Variants in FAM72C observed in about 807,000 individuals in gnomAD.
FAM72C encodes RUMY family member 3.
FAM72C carries 1 observed loss-of-function variant against 5.2 expected under a neutral mutation model. The ratio of observed to expected loss-of-function variants is 0.19; its 90% confidence interval spans 0.07 to 0.91. The LOEUF (loss-of-function observed/expected upper bound fraction) is 0.91, where lower values mean the gene tolerates loss of function less well. FAM72C is among the 40% of genes least tolerant of loss of function. The pLI, the probability that FAM72C is intolerant of heterozygous loss-of-function variation, is 0.66. For missense variants in FAM72C, 4 were observed against 66.0 expected, an observed-to-expected ratio of 0.06 and a Z score of 3.25; for synonymous variants, 1 against 21.8, an observed-to-expected ratio of 0.05 and a Z score of 2.66.
rs1661779867 is a variant in FAM72C at position 143,966,692 on chromosome 1, AAT to A, written c.231-1715_231-1714del. 2.8e-5 allele frequency among the ~76,000 whole-genome samples: 4 copies of A among 142,280 alleles called. 1 individual carries two copies. In the South Asian group the frequency reaches 9.3e-4, roughly 33 times the overall value. 93.3% of individuals were successfully genotyped at this position (142,280 alleles called of 152,430 possible). On this transcript the variant is annotated intron_variant, in intron 2 of 3. Coordinates refer to ENST00000584486, the MANE Select transcript of FAM72C (RefSeq NM_001287385.2). ...ATTTTGGATACATTGGGTTAGACAA[AAT>A]ATATGATTAAAATTAACTTTCCTGT...
intron 3 of FAM72C, among the ~76,000 whole-genome samples, chr1:143,959,469 A>G (rs1260392422): frequency 3.9e-5 from 5 of 129,656 alleles, no homozygotes; most frequent in African/African-American, 1.5e-4. Context: ...TGATAGATTG[A>G]GAGCCACAGT....
intron 3 of FAM72C, among the ~76,000 whole-genome samples, chr1:143,960,216 G>A (rs1661566594): frequency 1.3e-5 from 1 of 77,780 alleles, no homozygotes. Flanking sequence ...GACCAGCCTG[G>A]GCAACATGGC....
intron 3 of FAM72C, among the ~76,000 whole-genome samples, chr1:143,960,590 C>T (rs1472353436): frequency 2.1e-4 from 29 of 135,608 alleles, no homozygotes; most frequent in Admixed American, 1.7e-3. Context: ...ATTAGCTGGG[C>T]GTATGCCTGT....
At chr1:143,962,202 C>T (rs1192182997) in intron 3 of FAM72C, among the ~76,000 whole-genome samples, 4 of 142,422 alleles carry the variant, frequency 2.8e-5, no homozygotes, top group Admixed American at 7.1e-5. Context: ...TTAGTAGAGA[C>T]GGGGTTTCTC....
At position 143,955,636 on chromosome 1, in the gene FAM72C, A is replaced by T. The variant is rs1661453660; in HGVS notation, c.*751T>A. ...TAGTTTTTTTTTCTATTTAAGATTT[A>T]GGACAGACTACTCGTCTAAAATTCA... On this transcript the variant is annotated 3_prime_UTR_variant, in exon 4 of 4. Transcript: ENST00000584486. 7.1e-6 allele frequency: 1 copy of T among 141,022 alleles called. No individual in the cohort carries two copies. The highest frequency in any genetic ancestry group is 2.1e-4 in the East Asian group (1 of 4,730). 8.7% of individuals were successfully genotyped at this position (141,022 alleles called of 1,614,324 possible). A position where few individuals can be genotyped will look rare whatever the true frequency, so the allele number is the denominator to read the frequency against.
chr1:143,962,294 G>A lies in FAM72C; in HGVS notation c.355+2561C>T, dbSNP rs1282944439. Among the ~76,000 whole-genome samples the A allele has an allele frequency of 9.0e-5, 13 of 144,144 alleles. 1 individual carries two copies. The highest frequency in any genetic ancestry group is 1.4e-4 in the Non-Finnish European group (9 of 65,098). 94.6% of individuals were successfully genotyped at this position (144,144 alleles called of 152,430 possible). ...CTCCCAAACTGCTGGGATTACAGGC[G>A]TGAGCCACCGCGCCCGGCCTCTTAT... On this transcript the variant is annotated intron_variant, in intron 3 of 3. Coordinates refer to ENST00000584486, the MANE Select transcript of FAM72C (RefSeq NM_001287385.2).
rs1388430311 is a variant in FAM72C, at chr1:143,966,834, C to A, written c.231-1855G>T. ...CTTGAGGTCAGGAGTTCGAGACCAG[C>A]CTGGCCAACATGGCGAAACCCCACC... On this transcript the variant is annotated intron_variant, in intron 2 of 3. Transcript: ENST00000584486. Among the ~76,000 whole-genome samples the A allele has an allele frequency of 1.4e-5, 2 of 141,926 alleles. 1 individual carries two copies. The highest frequency in any genetic ancestry group is 3.1e-5 in the Non-Finnish European group (2 of 64,374). The allele number at this position is 141,926 out of a possible 152,430, so 93.1% of individuals were successfully genotyped here.
chr1:143,960,494 G>A (rs1376893642), intron 3 of FAM72C, among the ~76,000 whole-genome samples: 2 of 137,266 alleles, frequency 1.5e-5, no homozygotes, highest in African/African-American at 5.4e-5. Flanking sequence ...TTGGGAGGCT[G>A]AGGCAGGCGG....
intron 3 of FAM72C, among the ~76,000 whole-genome samples, chr1:143,960,403 CAAAA>C: frequency 2.8e-5 from 1 of 35,368 alleles, no homozygotes; most frequent in Non-Finnish European, 5.4e-5. Flanking sequence ...GACTCCATCT[CAAAA>C]AAAAAAAAAA....
intron 3 of FAM72C, among the ~76,000 whole-genome samples, chr1:143,959,116 C>T (rs1427917164): frequency 1.4e-5 from 2 of 138,188 alleles, no homozygotes; most frequent in African/African-American, 3.0e-5. Flanking sequence ...GCAGCACCTT[C>T]CTTTCTCTGT....
intron 3 of FAM72C, among the ~76,000 whole-genome samples, chr1:143,960,936 G>A: frequency 7.5e-6 from 1 of 133,220 alleles, no homozygotes; most frequent in East Asian, 2.3e-4. Flanking sequence ...TAGGTTCAAG[G>A]GGGGTTTCAT....
intron 3 of FAM72C, among the ~76,000 whole-genome samples, chr1:143,960,176 T>C (rs1570987672): frequency 1.2e-5 from 1 of 85,088 alleles, no homozygotes; most frequent in Non-Finnish European, 2.4e-5. Context: ...GAGGCTGAGG[T>C]GGGCGGATCA....
At chr1:143,961,122 A>C (rs1661616412) in intron 3 of FAM72C, among the ~76,000 whole-genome samples, 1 of 140,488 alleles carries the variant, frequency 7.1e-6, no homozygotes, top group Admixed American at 7.2e-5. Flanking sequence ...GGCTTTATAT[A>C]AATGGAAGGT....
At chr1:143,972,825 TG>T (rs1370241573), upstream of FAM72C, among the ~76,000 whole-genome samples, 3 of 88,198 alleles carry the variant, frequency 3.4e-5, no homozygotes, top group African/African-American at 1.2e-4. Flanking sequence ...GAGCCCTGAC[TG>T]AACAAACCCG....
intron 2 of FAM72C, among the ~76,000 whole-genome samples, chr1:143,965,936 T>C (rs1661760985): frequency 8.0e-6 from 1 of 125,236 alleles, no homozygotes; most frequent in East Asian, 2.3e-4. Flanking sequence ...GCTAGTCACA[T>C]ATTAAATAGA....
intron 3 of FAM72C, among the ~76,000 whole-genome samples, chr1:143,961,296 AACCACACCCACTTAAG>A (rs1239056455): frequency 6.7e-5 from 7 of 105,188 alleles, no homozygotes; most frequent in Admixed American, 1.0e-4. Context: ...GGGTGCTATG[AACCACACCCACTTAAG>A]ACCACACCCA....
intron 2 of FAM72C, among the ~76,000 whole-genome samples, chr1:143,965,956 C>T (rs1661761358): frequency 9.0e-6 from 1 of 111,426 alleles, no homozygotes; most frequent in Non-Finnish European, 1.9e-5. Flanking sequence ...AGTGAACCTA[C>T]AGGGAATGTT....
At chr1:143,963,708 A>C (rs1220806130) in intron 3 of FAM72C, among the ~76,000 whole-genome samples, 3 of 127,436 alleles carry the variant, frequency 2.4e-5, no homozygotes, top group African/African-American at 8.6e-5. Flanking sequence ...AGCAACCACC[A>C]CCCTGATCAG....
intron 3 of FAM72C, among the ~76,000 whole-genome samples, chr1:143,962,199 A>G (rs1553517958): frequency 1.4e-5 from 2 of 142,206 alleles, no homozygotes; most frequent in African/African-American, 5.1e-5. Context: ...TTTTTAGTAG[A>G]GACGGGGTTT....
Sources: gnomAD v4.1 joint callset for allele counts (sites outside exome capture counted in the v4.1 genomes callset) on GRCh38, gnomAD v4.1.1 for gene constraint, MANE v1.5 for transcripts, NCBI Gene and HGNC (gene_info 2026-07-23, HGNC 2026-07-21) for gene names.